PREX2: variants seen among roughly 807,000 people sequenced by gnomAD.
PREX2 encodes phosphatidylinositol 3,4,5-trisphosphate-dependent Rac exchanger 2 protein.
Under a neutral mutation model 203.2 loss-of-function variants are expected in PREX2, and 107 were observed. The ratio of observed to expected loss-of-function variants is 0.53; its 90% CI spans 0.45 to 0.62. PREX2 has a LOEUF of 0.62. PREX2 is among the 20% of genes least tolerant of loss of function. PREX2 has a pLI of 0.00. For missense variants in PREX2, 1,777 were observed against 1,955.9 expected (o/e 0.91, Z 1.72); for synonymous variants, 672 against 663.6 (o/e 1.01, Z -0.19).
chr8:68,047,543 G>A (rs1291821017), intron 8 of PREX2, among the ~76,000 whole-genome samples: 1 of 137,976 alleles, frequency 7.2e-6, no homozygotes, highest in Admixed American at 7.5e-5. Flanking sequence ...TTTTAAGCAT[G>A]CTTAGAACTT....
At chr8:68,083,484 C>A in intron 18 of PREX2, 96 bp downstream of exon 18, 1 of 933,992 alleles carries the variant, frequency 1.1e-6, no homozygotes, top group Non-Finnish European at 1.6e-6. Context: ...TTAAGCATCT[C>A]ATTGCTTGGA....
intron 35 of PREX2, among the ~76,000 whole-genome samples, chr8:68,185,075 C>T (rs1472687782): frequency 6.6e-6 from 1 of 152,138 alleles, no homozygotes; most frequent in African/African-American, 2.4e-5. Context: ...ATTTATATTA[C>T]CACAGTCTTG....
chr8:68,036,523 A>G (rs1048073400), intron 6 of PREX2, among the ~76,000 whole-genome samples: 2 of 152,184 alleles, frequency 1.3e-5, no homozygotes, highest in African/African-American at 4.8e-5. Context: ...GCTATTCTGT[A>G]CATTTTGTGA....
intron 30 of PREX2, among the ~76,000 whole-genome samples, chr8:68,122,333 T>G (rs1810791596): frequency 6.6e-6 from 1 of 152,088 alleles, no homozygotes. Flanking sequence ...ACAGCTGGTT[T>G]TCTTGGCTAT....
At chr8:68,133,169 A>C (rs1394318248) in intron 31 of PREX2, among the ~76,000 whole-genome samples, 1 of 152,188 alleles carries the variant, frequency 6.6e-6, no homozygotes, top group Non-Finnish European at 1.5e-5. Flanking sequence ...GTGTGTCAGA[A>C]CACAGGAAAA....
At chr8:68,067,253 G>A (rs1339266368) in intron 11 of PREX2, among the ~76,000 whole-genome samples, 3 of 151,962 alleles carry the variant, frequency 2.0e-5, no homozygotes, top group South Asian at 2.1e-4. Flanking sequence ...CTATTTCTGT[G>A]AAAAATGCCT....
chr8:68,165,373 C>G (rs751137417), intron 35 of PREX2, among the ~76,000 whole-genome samples: 13 of 152,104 alleles, frequency 8.5e-5, no homozygotes, highest in Non-Finnish European at 1.8e-4. Context: ...TTTGGAGACC[C>G]ATCTTGTTCA....
chr8:67,994,970 A>T (rs1019091943), intron 1 of PREX2, among the ~76,000 whole-genome samples: 1 of 152,106 alleles, frequency 6.6e-6, no homozygotes, highest in Non-Finnish European at 1.5e-5. Context: ...TCTATTCTAA[A>T]ACCAAATTTT....
At chr8:68,095,500 AATACATAC>A (rs372847646) in intron 21 of PREX2, among the ~76,000 whole-genome samples, 35 of 78,016 alleles carry the variant, frequency 4.5e-4, no homozygotes, top group East Asian at 9.8e-4. Flanking sequence ...AACGGGGCCA[AATACATAC>A]ATACATACAT....
chr8:68,144,284 A>C (rs1292199170), intron 33 of PREX2, among the ~76,000 whole-genome samples: 1 of 152,194 alleles, frequency 6.6e-6, no homozygotes. Context: ...GCTGGGAAGA[A>C]ATGACACCTT....
At chr8:68,134,555 G>A (rs1383018389) in intron 32 of PREX2, among the ~76,000 whole-genome samples, 2 of 152,124 alleles carry the variant, frequency 1.3e-5, no homozygotes, top group African/African-American at 2.4e-5. Flanking sequence ...CACGCTGACT[G>A]GAGAAGGTCA....
chr8:68,120,932 G>A lies in PREX2; in HGVS notation c.3607G>A (p.Glu1203Lys). 6.2e-7 allele frequency: 1 copy of A among 1,611,832 alleles called. No homozygotes were observed. Among genetic ancestry groups the A allele is most frequent in the Non-Finnish European group, 8.5e-7 (1 of 1,179,110 alleles). The change falls in exon 30 of 40, where the codon GAA becomes AAA. Residue 1203 changes from glutamate (E) to lysine (K), a missense_variant. Physicochemically the swap from Glu to Lys is moderately conservative, Grantham distance 56 (BLOSUM62 1). Transcript: ENST00000288368. Reference protein sequence around the residue: ...PGRGLQEFQQEMEPKLSCPKR... With the variant: ...PGRGLQEFQQKMEPKLSCPKR... The stretch of plus-strand genomic sequence containing the variant: ...CTGTGTTTATTTAGAATTTCAACAG[G>A]AAATGGAACCAAAGCTGAGTTGTCC...
At chr8:68,010,785 G>A (rs1484354803) in intron 1 of PREX2, among the ~76,000 whole-genome samples, 1 of 152,108 alleles carries the variant, frequency 6.6e-6, no homozygotes, top group Non-Finnish European at 1.5e-5. Context: ...GAGGAAGGTG[G>A]TGGGTTAATT....
In PREX2 at chr8:68,231,420, G is replaced by T. The variant is rs1263051641; in HGVS notation, c.*42G>T. The T allele has an allele frequency of 7.1e-6, 11 of 1,554,146 alleles. No homozygotes were observed. Among genetic ancestry groups the T allele is most frequent in the Non-Finnish European group, 9.6e-6 (11 of 1,142,290 alleles). On this transcript the variant is annotated 3_prime_UTR_variant, in exon 40 of 40. Transcript: ENST00000288368. ...ACCAGGCAGGCAGAAGCTCCTGAAT[G>T]CTGGACTAGACAAACTACATGCTGG...
intron 1 of PREX2, among the ~76,000 whole-genome samples, chr8:67,981,025 C>T (rs1469542488): frequency 6.6e-6 from 1 of 152,140 alleles, no homozygotes; most frequent in Admixed American, 6.5e-5. Flanking sequence ...GATGGAATAG[C>T]AGCAAATGTG....
chr8:67,954,556 A>G (rs1254677548), intron 1 of PREX2, among the ~76,000 whole-genome samples: 3 of 152,194 alleles, frequency 2.0e-5, no homozygotes. Context: ...TCTTCTAGGA[A>G]CCTATCCTAA....
At chr8:68,119,837 AT>A (rs1438043798) in intron 28 of PREX2, among the ~76,000 whole-genome samples, 1 of 151,942 alleles carries the variant, frequency 6.6e-6, no homozygotes, top group Non-Finnish European at 1.5e-5. Context: ...ATTATTTCTA[AT>A]TTTAAAAAGC....
chr8:68,065,052 C>G (rs953274115), intron 11 of PREX2, among the ~76,000 whole-genome samples: 1 of 152,158 alleles, frequency 6.6e-6, no homozygotes, highest in African/African-American at 2.4e-5. Context: ...GTTTATACAC[C>G]CATTTTCCAT....
chr8:67,954,844 T>C (rs542776024), intron 1 of PREX2, among the ~76,000 whole-genome samples: 1 of 152,118 alleles, frequency 6.6e-6, no homozygotes, highest in African/African-American at 2.4e-5. Context: ...GCCCTATAAA[T>C]AAGCAAACAA....
Sources: gnomAD v4.1 joint callset for allele counts (sites outside exome capture counted in the v4.1 genomes callset) on GRCh38, gnomAD v4.1.1 for gene constraint, MANE v1.5 for transcripts, NCBI Gene and HGNC (gene_info 2026-07-23, HGNC 2026-07-21) for gene names.